ZNF292: variants seen among roughly 807,000 people sequenced by gnomAD.
The protein encoded by ZNF292 is 16 zinc-finger domain protein.
ZNF292 carries 26 observed loss-of-function variants against 217.9 expected under a neutral mutation model. That is an observed-to-expected ratio of 0.12 (90% confidence interval 0.09 to 0.17). The LOEUF (loss-of-function observed/expected upper bound fraction) is 0.17, where lower values mean the gene tolerates loss of function less well. ZNF292 is among the 10% of genes least tolerant of loss of function. The pLI, the probability that ZNF292 is intolerant of heterozygous loss-of-function variation, is 1.00. For missense variants in ZNF292, 2,904 were observed against 3,175.2 expected (o/e 0.91, Z 2.05); for synonymous variants, 1,257 against 1,124.1 (o/e 1.12, Z -2.37).
intron 1 of ZNF292, among the ~76,000 whole-genome samples, chr6:87,159,205 T>G (rs1401735825): frequency 2.0e-5 from 3 of 152,070 alleles, no homozygotes; most frequent in Non-Finnish European, 4.4e-5. Flanking sequence ...CGAAAGGCAT[T>G]AAATGTTTTT....
At chr6:87,236,349 G>A (rs1020019878) in intron 5 of ZNF292, among the ~76,000 whole-genome samples, 10 of 151,826 alleles carry the variant, frequency 6.6e-5, no homozygotes, top group Non-Finnish European at 1.0e-4. Context: ...GGACCCTTTC[G>A]GTGTGATAGA....
intron 1 of ZNF292, among the ~76,000 whole-genome samples, chr6:87,195,903 C>T (rs1771941801): frequency 1.3e-5 from 2 of 151,890 alleles, no homozygotes; most frequent in African/African-American, 4.8e-5. Context: ...TGGCACAAGC[C>T]TGTAATCCTT....
rs565512114 is a variant in ZNF292 at position 87,243,169 on chromosome 6, A to C, written c.742-306A>C. Among the ~76,000 whole-genome samples the C allele has an allele frequency of 1.7e-4, 26 of 151,978 alleles. No homozygotes were observed. The South Asian group carries it at 5.2e-3, about 30-fold the overall frequency. On this transcript the variant is annotated intron_variant, in intron 5 of 7. Transcript: ENST00000369577. ...TAATGGGTAGAGATTGCTTATAGTTATCATCAGTTAGTTACATATAAATGC... is the reference window on the plus strand; with the variant it reads ...TAATGGGTAGAGATTGCTTATAGTTCTCATCAGTTAGTTACATATAAATGC...
chr6:87,242,483 A>G (rs1374962246), intron 5 of ZNF292, among the ~76,000 whole-genome samples: 1 of 152,218 alleles, frequency 6.6e-6, no homozygotes, highest in Non-Finnish European at 1.5e-5. Context: ...AATCCTAAAC[A>G]CATTACATTT....
At chr6:87,158,782 G>A (rs184031121) in intron 1 of ZNF292, among the ~76,000 whole-genome samples, 42 of 152,306 alleles carry the variant, frequency 2.8e-4, no homozygotes, top group Admixed American at 1.2e-3. Context: ...ATTTATTGGC[G>A]CAATCTAAAT....
chr6:87,256,002 G>A lies in ZNF292; in HGVS notation c.2373G>A (p.Ser791=), dbSNP rs749843149. 28 of 1,606,810 alleles carry A rather than the reference G, an allele frequency of 1.7e-5. No individual in the cohort carries two copies. The highest frequency in any genetic ancestry group is 1.7e-4 in the Middle Eastern group (1 of 6,054). ...CMFPKCGRIF[S]EAYLLYDHEA... Reference sequence around the variant, plus strand: ...TTCCTAAATGTGGAAGAATTTTTTCGGAAGCTTATTTACTATATGATCATG... The same window carrying A: ...TTCCTAAATGTGGAAGAATTTTTTCAGAAGCTTATTTACTATATGATCATG... The change falls in exon 8 of 8, where the codon TCG becomes TCA. Residue 791 remains serine, a synonymous_variant. Transcript: ENST00000369577.
chr6:87,196,393 C>T lies in ZNF292; in HGVS notation c.169-19510C>T, dbSNP rs62439513. On this transcript the variant is annotated intron_variant, in intron 1 of 7. Coordinates refer to ENST00000369577, the MANE Select transcript of ZNF292 (RefSeq NM_015021.3). ...TTTCATTTTTGTTGGTCAGTCCCCT[C>T]TTTTGACTGTTTACTTTTGTAAAAT... Among the ~76,000 whole-genome samples the T allele has an allele frequency of 3.8e-3, 583 of 152,294 alleles. 1 individual carries two copies. The highest frequency in any genetic ancestry group is 5.7e-3 in the Non-Finnish European group (385 of 68,014).
chr6:87,160,260 T>TGCC (rs1770688008), intron 1 of ZNF292, among the ~76,000 whole-genome samples: 1 of 152,236 alleles, frequency 6.6e-6, no homozygotes, highest in African/African-American at 2.4e-5. Context: ...GAGGAGTTGT[T>TGCC]CTAAAGAGAT....
In ZNF292 at chr6:87,260,663, A is replaced by C; in HGVS notation, c.7034A>C (p.Asn2345Thr). Residue 2345 changes from asparagine to threonine, a missense_variant, in exon 8 of 8, where the codon AAT becomes ACT. This residue lies in a region of ZNF292 where 101 missense variants were observed against 89.5 expected (regional missense o/e 1.13). Transcript: ENST00000369577. ...AAAAAAAATAATTTAGAAAACAAGA[A>C]TGCAAAGATTGTGCAGATTGAAGAA... ...RKKKNNLENK[N>T]AKIVQIEENK... is the part of the protein sequence containing the mutation. 1.2e-6 allele frequency: 2 copies of C among 1,612,412 alleles called. No homozygotes were observed. The highest frequency in any genetic ancestry group is 3.4e-5 in the Admixed American group (2 of 59,678).
At chr6:87,201,427 G>A (rs1772096747) in intron 1 of ZNF292, among the ~76,000 whole-genome samples, 3 of 151,958 alleles carry the variant, frequency 2.0e-5, no homozygotes, top group Non-Finnish European at 4.4e-5. Flanking sequence ...TCTTTGTAAC[G>A]GAGTTTTGCT....
chr6:87,251,668 ATTG>A (rs1279316696), intron 7 of ZNF292, among the ~76,000 whole-genome samples: 1 of 152,190 alleles, frequency 6.6e-6, no homozygotes, highest in African/African-American at 2.4e-5. Flanking sequence ...TTTATAGAAA[ATTG>A]TTGTGAATTT....
rs146635428 is a variant in ZNF292, at chr6:87,255,954, A to G, written c.2325A>G (p.Gln775=). Residue 775 remains glutamine, a synonymous_variant, in exon 8 of 8, where the codon CAA becomes CAG. Coordinates refer to ENST00000369577, the MANE Select transcript of ZNF292 (RefSeq NM_015021.3). ...AELLTHRKEH[Q]VFRAKCMFPK... is the part of the protein sequence containing the mutation. The stretch of plus-strand genomic sequence containing the variant: ...TTTTAACCCACCGAAAGGAGCATCA[A>G]GTCTTTAGAGCAAAATGTATGTTTC... The G allele has an allele frequency of 6.3e-5, 101 of 1,612,552 alleles. No individual in the cohort carries two copies. The African/African-American group carries it at 7.2e-4, about 11-fold the overall frequency.
intron 1 of ZNF292, among the ~76,000 whole-genome samples, chr6:87,175,322 A>C (rs549438374): frequency 1.3e-5 from 2 of 152,022 alleles, no homozygotes; most frequent in South Asian, 4.2e-4. Context: ...TTTGGATTCA[A>C]CTCTTCAACC....
intron 4 of ZNF292, among the ~76,000 whole-genome samples, chr6:87,229,238 C>G (rs1433242401): frequency 6.6e-6 from 1 of 152,084 alleles, no homozygotes; most frequent in Non-Finnish European, 1.5e-5. Flanking sequence ...ACAGATGCAA[C>G]TGATATTTAT....
Position 87,214,149 on chromosome 6 carries a change from C to A in ZNF292, c.169-1754C>A, listed in dbSNP as rs182154185. On this transcript the variant is annotated intron_variant, in intron 1 of 7. Transcript: ENST00000369577. ...AAGGCTTTAATTTCTGTGTTTACATCGAAGCTGAATAATCTTGGATATAAT... is the reference window on the plus strand; with the variant it reads ...AAGGCTTTAATTTCTGTGTTTACATAGAAGCTGAATAATCTTGGATATAAT... Among the ~76,000 whole-genome samples, 21 of 152,240 alleles carry A rather than the reference C, an allele frequency of 1.4e-4. No individual in the cohort carries two copies. The East Asian group carries it at 4.1e-3, about 29-fold the overall frequency.
intron 1 of ZNF292, among the ~76,000 whole-genome samples, chr6:87,189,324 CCA>C (rs1444110356): frequency 6.6e-6 from 1 of 151,994 alleles, no homozygotes; most frequent in Non-Finnish European, 1.5e-5. Flanking sequence ...TCACATATAG[CCA>C]CAGTTTCCCA....
chr6:87,252,443 C>CTTTTTTAAAATTTTT (rs1471933731), intron 7 of ZNF292, among the ~76,000 whole-genome samples: 1 of 152,130 alleles, frequency 6.6e-6, no homozygotes, highest in South Asian at 2.1e-4. Context: ...CGTGAGCCAC[C>CTTTTTTAAAATTTTT]ACACCAGGCC....
Position 87,243,482 on chromosome 6 carries a change from A to C in ZNF292, c.749A>C (p.Glu250Ala), listed in dbSNP as rs1196832836. Reference protein sequence around the residue: ...PNGKLIEEISEVDCKDALEMI... With the variant: ...PNGKLIEEISAVDCKDALEMI... ...TATTGGCTTTTTCTTTAGATTTCAGAAGTTGATTGCAAAGATGCACTGGAA... is the reference window on the plus strand; with the variant it reads ...TATTGGCTTTTTCTTTAGATTTCAGCAGTTGATTGCAAAGATGCACTGGAA... The change falls in exon 6 of 8, where the codon GAA becomes GCA. Residue 250 changes from glutamate (E) to alanine (A), a missense_variant. Glu to Ala is a moderately radical substitution (Grantham distance 107). This residue lies in a region of ZNF292 where 313 missense variants were observed against 451.0 expected (regional missense o/e 0.69). Coordinates refer to ENST00000369577, the MANE Select transcript of ZNF292 (RefSeq NM_015021.3). 1 of 1,545,628 alleles carries C rather than the reference A, an allele frequency of 6.5e-7. No individual in the cohort carries two copies. The highest frequency in any genetic ancestry group is 1.2e-5 in the South Asian group (1 of 80,986).
rs527400668 is a variant in ZNF292 at position 87,180,666 on chromosome 6, A to T, written c.168+24907A>T. Among the ~76,000 whole-genome samples the T allele has an allele frequency of 4.2e-5, 5 of 119,460 alleles. No individual in the cohort carries two copies. In the South Asian group the frequency reaches 1.4e-3, roughly 33 times the overall value. The allele number at this position is 119,460 out of a possible 152,430, so 78.4% of individuals were successfully genotyped here. A position where few individuals can be genotyped will look rare whatever the true frequency, so the allele number is the denominator to read the frequency against. ...AACTGACTGTGTATGCTCAACCTCGAGCCCCTTAAGCCCCAGCAACCACAG... is the reference window on the plus strand; with the variant it reads ...AACTGACTGTGTATGCTCAACCTCGTGCCCCTTAAGCCCCAGCAACCACAG... On this transcript the variant is annotated intron_variant, in intron 1 of 7. Coordinates refer to ENST00000369577, the MANE Select transcript of ZNF292 (RefSeq NM_015021.3).
Sources: gnomAD v4.1 joint callset for allele counts (sites outside exome capture counted in the v4.1 genomes callset) on GRCh38, gnomAD v4.1.1 for gene constraint, gnomAD v4.1.1 regional missense constraint, MANE v1.5 for transcripts, NCBI Gene and HGNC (gene_info 2026-07-23, HGNC 2026-07-21) for gene names.